Variants in SPPL2A observed in about 807,000 individuals in gnomAD.
SPPL2A encodes signal peptide peptidase-like 2A.
In SPPL2A, 51 loss-of-function variants were observed where a neutral mutation model predicts 63.8. The observed-to-expected ratio is 0.80, with a 90% CI of 0.64 to 1.01. SPPL2A has a LOEUF of 1.01. SPPL2A is among the 50% of genes least tolerant of loss of function. The pLI, the probability that SPPL2A is intolerant of heterozygous loss-of-function variation, is 0.00. For synonymous variants in SPPL2A, 188 were observed against 205.8 expected, an observed-to-expected ratio of 0.91 and a Z score of 0.74; for missense variants, 553 against 622.7, an observed-to-expected ratio of 0.89 and a Z score of 1.19.
intron 9 of SPPL2A, among the ~76,000 whole-genome samples, 193 bp from the exon 10 acceptor site, chr15:50,731,232 T>C (rs369614138): frequency 6.6e-6 from 1 of 152,180 alleles, no homozygotes; most frequent in East Asian, 1.9e-4. Flanking sequence ...CTTATTTTTT[T>C]AAAAAAAATC....
intron 1 of SPPL2A, among the ~76,000 whole-genome samples, chr15:50,752,909 T>C (rs2062922408): frequency 6.6e-6 from 1 of 152,100 alleles, no homozygotes; most frequent in Non-Finnish European, 1.5e-5. Context: ...ATGCTGCTGC[T>C]CAAGTGGTAT....
intron 1 of SPPL2A, among the ~76,000 whole-genome samples, chr15:50,757,105 CAG>C (rs1165055689): frequency 1.6e-4 from 9 of 56,532 alleles, no homozygotes; most frequent in Admixed American, 6.8e-4. Context: ...TTTTTTGAGA[CAG>C]AGTCTCACTC....
In SPPL2A at chr15:50,728,068, A is replaced by G. The variant is rs112081590; in HGVS notation, c.1090-1691T>C. On this transcript the variant is annotated intron_variant, in intron 10 of 14. Coordinates refer to ENST00000261854, the MANE Select transcript of SPPL2A (RefSeq NM_032802.4). ...AACATTCTATGTATATGGAATGCAAACAGTTTGCTGGGGCAGATATGTTTA... is the reference window on the plus strand; with the variant it reads ...AACATTCTATGTATATGGAATGCAAGCAGTTTGCTGGGGCAGATATGTTTA... 3.3e-3 allele frequency among the ~76,000 whole-genome samples: 504 copies of G among 152,326 alleles called. 5 individuals carry two copies. The highest frequency in any genetic ancestry group is 0.011 in the African/African-American group (478 of 41,592).
chr15:50,749,494 G>C (rs1250372443), intron 2 of SPPL2A, 142 bp downstream of exon 2: 3 of 616,908 alleles, frequency 4.9e-6, no homozygotes, highest in South Asian at 1.9e-5. Context: ...CACCGTGTTA[G>C]CCAGGATGGT....
chr15:50,751,295 T>A (rs961396914), intron 1 of SPPL2A, among the ~76,000 whole-genome samples: 2 of 152,244 alleles, frequency 1.3e-5, no homozygotes. Flanking sequence ...GCTAGGTTAC[T>A]TTCATGCATT....
intron 8 of SPPL2A, among the ~76,000 whole-genome samples, chr15:50,733,215 T>G (rs545308931): frequency 2.8e-4 from 42 of 152,146 alleles, no homozygotes; most frequent in Non-Finnish European, 4.6e-4. Context: ...GCTATGCAAC[T>G]TACTCCATCA....
At chr15:50,764,240 C>T (rs958399446) in intron 1 of SPPL2A, among the ~76,000 whole-genome samples, 1 of 152,208 alleles carries the variant, frequency 6.6e-6, no homozygotes. Context: ...GTTTTGCATA[C>T]ATCTACATAC....
At chr15:50,760,646 C>G (rs2063002048) in intron 1 of SPPL2A, among the ~76,000 whole-genome samples, 1 of 152,044 alleles carries the variant, frequency 6.6e-6, no homozygotes, top group Non-Finnish European at 1.5e-5. Flanking sequence ...CCTGAAGGAC[C>G]CATCTCCAAA....
chr15:50,762,782 G>T (rs548456836), intron 1 of SPPL2A, among the ~76,000 whole-genome samples: 1 of 150,708 alleles, frequency 6.6e-6, no homozygotes, highest in Non-Finnish European at 1.5e-5. Flanking sequence ...ACACAGGCTG[G>T]AGTGCAGTGG....
intron 14 of SPPL2A, among the ~76,000 whole-genome samples, chr15:50,715,677 A>T (rs545603850): frequency 1.2e-3 from 185 of 152,252 alleles, no homozygotes; most frequent in African/African-American, 4.4e-3. Context: ...TGCTTATTTT[A>T]AAAACACAAA....
At chr15:50,757,318 G>C (rs2062967883) in intron 1 of SPPL2A, among the ~76,000 whole-genome samples, 1 of 151,952 alleles carries the variant, frequency 6.6e-6, no homozygotes, top group African/African-American at 2.4e-5. Context: ...TCCTGACCTC[G>C]TGATCCGCCC....
At chr15:50,751,858 G>A (rs985818054) in intron 1 of SPPL2A, among the ~76,000 whole-genome samples, 21 of 151,828 alleles carry the variant, frequency 1.4e-4, no homozygotes, top group African/African-American at 2.4e-4. Context: ...ACGGAGTTTC[G>A]CTCTTGTTGC....
chr15:50,749,561 C>CAG, intron 2 of SPPL2A, 75 bp downstream of exon 2: 1 of 953,998 alleles, frequency 1.0e-6, no homozygotes. Flanking sequence ...GCTGGGATTA[C>CAG]AGGCATGAGC....
chr15:50,731,941 A>C (rs1226403897), intron 9 of SPPL2A, among the ~76,000 whole-genome samples: 1 of 124,854 alleles, frequency 8.0e-6, no homozygotes, highest in Non-Finnish European at 1.7e-5. Flanking sequence ...AAAAAAAAAA[A>C]AACCAAATAA....
chr15:50,731,311 CT>C (rs1267023662), intron 9 of SPPL2A, among the ~76,000 whole-genome samples: 8 of 152,086 alleles, frequency 5.3e-5, no homozygotes, highest in African/African-American at 1.7e-4. Context: ...CTTTGGGAGA[CT>C]GAGGCGGGGC....
In SPPL2A at chr15:50,762,623, T is replaced by C. The variant is rs1420314543; in HGVS notation, c.66+2845A>G. Among the ~76,000 whole-genome samples, 3 of 152,162 alleles carry C rather than the reference T, an allele frequency of 2.0e-5. No individual in the cohort carries two copies. The East Asian group carries it at 5.8e-4, about 29-fold the overall frequency. On this transcript the variant is annotated intron_variant, in intron 1 of 14. Coordinates refer to ENST00000261854, the MANE Select transcript of SPPL2A (RefSeq NM_032802.4). ...TACTAAATCCTCTGCCTCTTCTAGATGGATGTGCCAGTGGTTTCTGAAGAC... is the reference window on the plus strand; with the variant it reads ...TACTAAATCCTCTGCCTCTTCTAGACGGATGTGCCAGTGGTTTCTGAAGAC...
At chr15:50,719,378 G>A (rs2062625911) in intron 14 of SPPL2A, among the ~76,000 whole-genome samples, 3 of 152,082 alleles carry the variant, frequency 2.0e-5, no homozygotes, top group Admixed American at 2.0e-4. Context: ...CCAAGTAGCT[G>A]GGATTACAGG....
chr15:50,750,649 G>C (rs2062898446), intron 1 of SPPL2A, among the ~76,000 whole-genome samples: 1 of 152,180 alleles, frequency 6.6e-6, no homozygotes, highest in South Asian at 2.1e-4. Flanking sequence ...GGAAAGAAAA[G>C]CCAAGAGGTA....
intron 14 of SPPL2A, among the ~76,000 whole-genome samples, chr15:50,713,770 T>C (rs970415405): frequency 2.0e-5 from 3 of 152,134 alleles, no homozygotes; most frequent in Non-Finnish European, 2.9e-5. Flanking sequence ...AAAGTTTTCA[T>C]ATCCAGACCA....
Sources: gnomAD v4.1 joint callset for allele counts (sites outside exome capture counted in the v4.1 genomes callset) on GRCh38, gnomAD v4.1.1 for gene constraint, MANE v1.5 for transcripts, NCBI Gene and HGNC (gene_info 2026-07-23, HGNC 2026-07-21) for gene names.